Variants in GPBP1 observed in about 807,000 individuals in gnomAD.
GPBP1 encodes vasculin.
A neutral mutation model predicts 56.5 loss-of-function variants in GPBP1; 13 were observed. The observed-to-expected ratio is 0.23, with a 90% CI of 0.15 to 0.37. The LOEUF is 0.37. Among genes scored for constraint, GPBP1 ranks in the 10% least tolerant of loss-of-function variants. The probability of loss-of-function intolerance (pLI) is 1.00; values close to 1 mark genes in which losing one functional copy is unlikely to be tolerated. For missense variants in GPBP1, 477 were observed against 572.3 expected (o/e 0.83, Z 1.70); for synonymous variants, 204 against 188.9 (o/e 1.08, Z -0.66).
intron 11 of GPBP1, among the ~76,000 whole-genome samples, chr5:57,261,746 C>T (rs926890614): frequency 6.6e-6 from 1 of 152,090 alleles, no homozygotes; most frequent in Admixed American, 6.6e-5. Flanking sequence ...GTAACTTCAT[C>T]TTTTATCCTT....
At chr5:57,220,304 G>A (rs1000303037) in intron 3 of GPBP1, among the ~76,000 whole-genome samples, 9 of 151,940 alleles carry the variant, frequency 5.9e-5, no homozygotes, top group Non-Finnish European at 8.8e-5. Flanking sequence ...GTTAACGTGC[G>A]TTGAAATTCT....
intron 2 of GPBP1, among the ~76,000 whole-genome samples, chr5:57,206,180 T>A (rs1755227155): frequency 6.6e-6 from 1 of 152,160 alleles, no homozygotes. Context: ...CTTCTGTCAG[T>A]TGTCTTTTTA....
chr5:57,244,926 C>T lies in GPBP1; in HGVS notation c.479-1374C>T, dbSNP rs538244158. 4.6e-5 allele frequency among the ~76,000 whole-genome samples: 7 copies of T among 152,000 alleles called. No individual in the cohort carries two copies. The South Asian group carries it at 6.2e-4, about 14-fold the overall frequency. ...TTCCTTTTTGTATTTTTAGTAGAGA[C>T]GGGGTTTCACCATGTTGGCCAGGCT... On this transcript the variant is annotated intron_variant, in intron 6 of 11. Transcript: ENST00000506184.
At chr5:57,187,123 C>G (rs1472523431) in intron 2 of GPBP1, among the ~76,000 whole-genome samples, 1 of 151,264 alleles carries the variant, frequency 6.6e-6, no homozygotes, top group Non-Finnish European at 1.5e-5. Flanking sequence ...TCTGCTTTAA[C>G]ATTGGATGTC....
chr5:57,230,751 T>G (rs765963152), intron 3 of GPBP1, 95 bp from the exon 4 acceptor site: 1 of 1,075,276 alleles, frequency 9.3e-7, no homozygotes, highest in Admixed American at 2.2e-5. Flanking sequence ...CTTAATCATT[T>G]AAAATTTTTG....
At chr5:57,208,423 G>A (rs1032530138) in intron 2 of GPBP1, among the ~76,000 whole-genome samples, 3 of 151,954 alleles carry the variant, frequency 2.0e-5, no homozygotes, top group East Asian at 1.9e-4. Context: ...TAGTAGGGAC[G>A]GGGTTCACCA....
At chr5:57,182,757 C>G (rs1262543037) in intron 2 of GPBP1, among the ~76,000 whole-genome samples, 1 of 152,048 alleles carries the variant, frequency 6.6e-6, no homozygotes. Context: ...AGTCACGGCT[C>G]ACTGCCATCT....
At chr5:57,214,256 A>G in intron 3 of GPBP1, 63 bp downstream of exon 3, 1 of 1,314,590 alleles carries the variant, frequency 7.6e-7, no homozygotes, top group Non-Finnish European at 1.1e-6. Flanking sequence ...CACAAATGTA[A>G]TTAAGTCATG....
At chr5:57,250,415 G>A (rs1396252099) in intron 9 of GPBP1, among the ~76,000 whole-genome samples, 3 of 152,200 alleles carry the variant, frequency 2.0e-5, no homozygotes, top group Admixed American at 1.3e-4. Flanking sequence ...CATCTTGCCT[G>A]CCTTCATGCT....
At chr5:57,216,106 GC>G (rs1755689467) in intron 3 of GPBP1, among the ~76,000 whole-genome samples, 1 of 152,200 alleles carries the variant, frequency 6.6e-6, no homozygotes, top group Non-Finnish European at 1.5e-5. Context: ...GTGTTCTTGG[GC>G]TGATGAACCT....
chr5:57,236,796 A>G (rs1756680522), intron 6 of GPBP1, among the ~76,000 whole-genome samples: 1 of 152,184 alleles, frequency 6.6e-6, no homozygotes. Context: ...AGAGGTGCTC[A>G]ATCCATGTTG....
At chr5:57,257,401 C>G (rs1741713192) in intron 10 of GPBP1, among the ~76,000 whole-genome samples, 1 of 152,128 alleles carries the variant, frequency 6.6e-6, no homozygotes. Flanking sequence ...TACTAAGGCA[C>G]ATAGATCATT....
At chr5:57,197,147 C>G (rs1329608978) in intron 2 of GPBP1, among the ~76,000 whole-genome samples, 2 of 152,116 alleles carry the variant, frequency 1.3e-5, no homozygotes, top group African/African-American at 4.8e-5. Context: ...TTCCTGACCT[C>G]AAGTGATCCT....
intron 2 of GPBP1, among the ~76,000 whole-genome samples, chr5:57,179,631 G>A (rs986132933): frequency 2.0e-5 from 3 of 152,056 alleles, no homozygotes; most frequent in Admixed American, 1.3e-4. Flanking sequence ...GAGTTTCGCA[G>A]TTGTTGCTGA....
intron 2 of GPBP1, among the ~76,000 whole-genome samples, chr5:57,209,447 C>A (rs1279283433): frequency 6.6e-6 from 1 of 152,182 alleles, no homozygotes; most frequent in Non-Finnish European, 1.5e-5. Context: ...ACTACAGGTG[C>A]TTTGCACTGT....
At chr5:57,228,478 A>G (rs1756293701) in intron 3 of GPBP1, among the ~76,000 whole-genome samples, 1 of 151,602 alleles carries the variant, frequency 6.6e-6, no homozygotes, top group African/African-American at 2.4e-5. Context: ...GTCTGCATCT[A>G]TATCTGTATC....
rs1753689059 is a variant in GPBP1 at position 57,174,167 on chromosome 5, C to T, written c.-1055C>T. On this transcript the variant is annotated 5_prime_UTR_variant, in exon 1 of 12. Coordinates refer to ENST00000506184, the MANE Select transcript of GPBP1 (RefSeq NM_022913.4). ...CCGAAAACCTTCTCCCGGGATCAGG[C>T]GCGGCGGCACCCCCAGGCCAGGGGC... 1 of 153,144 alleles carries T rather than the reference C, an allele frequency of 6.5e-6. No homozygotes were observed. Among genetic ancestry groups the T allele is most frequent in the South Asian group, 2.1e-4 (1 of 4,852 alleles). 9.5% of individuals were successfully genotyped at this position (153,144 alleles called of 1,614,324 possible).
rs538171375 is a variant in GPBP1, at chr5:57,201,930, G to A, written c.-57-12144G>A. Among the ~76,000 whole-genome samples, 426 of 152,240 alleles carry A rather than the reference G, an allele frequency of 2.8e-3. 1 individual carries two copies. The highest frequency in any genetic ancestry group is 5.3e-3 in the Non-Finnish European group (362 of 68,006). On this transcript the variant is annotated intron_variant, in intron 2 of 11. Coordinates refer to ENST00000506184, the MANE Select transcript of GPBP1 (RefSeq NM_022913.4). ...TAGTTTCTGTCATTTATTGGCTCTT[G>A]TAGCTTAGGGGCAAATTACTTTAAT...
intron 6 of GPBP1, among the ~76,000 whole-genome samples, chr5:57,240,929 G>A (rs978108147): frequency 2.6e-5 from 4 of 151,734 alleles, no homozygotes; most frequent in Non-Finnish European, 5.9e-5. Flanking sequence ...TCCAGCCTGG[G>A]CAACAAGAGC....
Sources: gnomAD v4.1 joint callset for allele counts (sites outside exome capture counted in the v4.1 genomes callset) on GRCh38, gnomAD v4.1.1 for gene constraint, MANE v1.5 for transcripts, NCBI Gene and HGNC (gene_info 2026-07-23, HGNC 2026-07-21) for gene names.